The following CDH18 variants were observed in gnomAD, a reference collection of about 807,000 sequenced individuals.
CDH18 encodes the protein cadherin-18.
A neutral mutation model predicts 67.9 loss-of-function variants in CDH18; 31 were observed. That is an observed-to-expected ratio of 0.46 (90% CI 0.34 to 0.62). The LOEUF (loss-of-function observed/expected upper bound fraction) is 0.62, where lower values mean the gene tolerates loss of function less well. CDH18 is among the 20% of genes least tolerant of loss of function. The pLI is 0.01. For missense variants in CDH18, 890 were observed against 975.5 expected, an observed-to-expected ratio of 0.91 and a Z score of 1.17; for synonymous variants, 362 against 347.2, an observed-to-expected ratio of 1.04 and a Z score of -0.48.
intron 3 of CDH18, among the ~76,000 whole-genome samples, chr5:19,802,860 G>A (rs974555347): frequency 8.5e-5 from 13 of 152,190 alleles, no homozygotes; most frequent in Admixed American, 2.6e-4. Flanking sequence ...AGAAGTAGCA[G>A]CAATAATAGT....
intron 5 of CDH18, among the ~76,000 whole-genome samples, chr5:19,659,360 A>G (rs1267445865): frequency 6.6e-6 from 1 of 152,172 alleles, no homozygotes; most frequent in African/African-American, 2.4e-5. Flanking sequence ...TTATCAAAGC[A>G]AATGACTATC....
At chr5:19,891,396 CA>C (rs1788770284) in intron 2 of CDH18, among the ~76,000 whole-genome samples, 1 of 152,066 alleles carries the variant, frequency 6.6e-6, no homozygotes, top group Non-Finnish European at 1.5e-5. Context: ...TGAATCCTTA[CA>C]AAAAATATTT....
chr5:19,759,457 G>A (rs1162418354), intron 3 of CDH18, among the ~76,000 whole-genome samples: 1 of 152,130 alleles, frequency 6.6e-6, no homozygotes, highest in East Asian at 1.9e-4. Flanking sequence ...TAATGTGGGG[G>A]TTCTGCCAGC....
chr5:19,971,723 T>C (rs773550574), intron 2 of CDH18, among the ~76,000 whole-genome samples: 10 of 151,620 alleles, frequency 6.6e-5, no homozygotes, highest in Non-Finnish European at 1.0e-4. Context: ...GAAGACAGGA[T>C]CAAGAAAAAC....
intron 2 of CDH18, among the ~76,000 whole-genome samples, chr5:20,105,250 G>A (rs575063116): frequency 6.6e-6 from 1 of 152,228 alleles, no homozygotes; most frequent in East Asian, 1.9e-4. Flanking sequence ...GCCTCCCAAA[G>A]TGCTGGGATT....
intron 2 of CDH18, among the ~76,000 whole-genome samples, chr5:19,998,934 A>T (rs979145563): frequency 3.3e-5 from 5 of 152,170 alleles, no homozygotes; most frequent in African/African-American, 1.2e-4. Flanking sequence ...AAAATACAGA[A>T]CAAGGTGGAA....
At chr5:20,268,028 C>T (rs1745170330) in intron 1 of CDH18, among the ~76,000 whole-genome samples, 1 of 152,160 alleles carries the variant, frequency 6.6e-6, no homozygotes, top group South Asian at 2.1e-4. Flanking sequence ...TTAGTTCCCA[C>T]TTATAAATGA....
intron 4 of CDH18, among the ~76,000 whole-genome samples, chr5:19,746,332 G>A (rs1769993424): frequency 6.6e-6 from 1 of 152,110 alleles, no homozygotes; most frequent in Admixed American, 6.6e-5. Flanking sequence ...TTCTAAATAT[G>A]TGAATTTGCA....
chr5:20,302,947 G>C (rs1736076671), intron 1 of CDH18, among the ~76,000 whole-genome samples: 1 of 152,186 alleles, frequency 6.6e-6, no homozygotes, highest in Non-Finnish European at 1.5e-5. Flanking sequence ...GGATATTCGT[G>C]TGCATAACCC....
At chr5:20,334,825 G>C (rs1739578219) in intron 1 of CDH18, among the ~76,000 whole-genome samples, 1 of 148,504 alleles carries the variant, frequency 6.7e-6, no homozygotes, top group African/African-American at 2.5e-5. Flanking sequence ...AGCACAACCT[G>C]ATTCTTTCAT....
intron 7 of CDH18, among the ~76,000 whole-genome samples, chr5:19,587,148 T>C (rs1371618298): frequency 6.6e-6 from 1 of 152,166 alleles, no homozygotes; most frequent in Non-Finnish European, 1.5e-5. Context: ...TCTTCTCCCA[T>C]TCTGTATGTT....
rs72740817 is a variant in CDH18 at position 19,770,620 on chromosome 5, A to G, written c.229-23384T>C. Among the ~76,000 whole-genome samples the G allele has an allele frequency of 2.0e-4, 13 of 64,610 alleles. No homozygotes were observed. The South Asian group carries it at 4.2e-3, about 21-fold the overall frequency. 42.4% of individuals were successfully genotyped at this position (64,610 alleles called of 152,430 possible). A position where few individuals can be genotyped will look rare whatever the true frequency, so the allele number is the denominator to read the frequency against. On this transcript the variant is annotated intron_variant, in intron 3 of 12. Coordinates refer to ENST00000382275, the MANE Select transcript of CDH18 (RefSeq NM_004934.5). The stretch of plus-strand genomic sequence containing the variant: ...TCCAAACTTTCCATGCCAAAAAAAA[A>G]GGAAAAAAAGAAAAGGAAGACCAAG...
At position 20,501,535 on chromosome 5, in the gene CDH18, T is replaced by A. The variant is rs1754270414; in HGVS notation, c.-580+73927A>T. Among the ~76,000 whole-genome samples the A allele has an allele frequency of 2.5e-5, 2 of 79,358 alleles. 1 individual carries two copies. The highest frequency in any genetic ancestry group is 1.0e-3 in the South Asian group (2 of 2,010). The allele number at this position is 79,358 out of a possible 152,430, so 52.1% of individuals were successfully genotyped here. A position where few individuals can be genotyped will look rare whatever the true frequency, so the allele number is the denominator to read the frequency against. ...ATATATTATATACATATTATATATA[T>A]TATATACATATTATATATATAATAT... On this transcript the variant is annotated intron_variant, in intron 1 of 14. Transcript: ENST00000507958.
At chr5:20,240,564 G>T (rs1742819622) in intron 2 of CDH18, among the ~76,000 whole-genome samples, 1 of 152,056 alleles carries the variant, frequency 6.6e-6, no homozygotes, top group Non-Finnish European at 1.5e-5. Context: ...TTCAAGACTT[G>T]CAAGTATGCA....
At chr5:19,596,080 T>A (rs1461941225) in intron 6 of CDH18, among the ~76,000 whole-genome samples, 1 of 152,322 alleles carries the variant, frequency 6.6e-6, no homozygotes, top group Admixed American at 6.5e-5. Context: ...GTAGGCAGTT[T>A]TTCAAACATC....
chr5:19,914,865 C>T (rs1395227946), intron 2 of CDH18, among the ~76,000 whole-genome samples: 2 of 151,902 alleles, frequency 1.3e-5, no homozygotes, highest in East Asian at 3.9e-4. Flanking sequence ...AATTTCTCCC[C>T]CAAATTTGTA....
intron 1 of CDH18, among the ~76,000 whole-genome samples, chr5:20,460,197 A>C (rs1479897285): frequency 1.3e-5 from 2 of 152,002 alleles, no homozygotes; most frequent in East Asian, 3.9e-4. Context: ...GATCGAGACC[A>C]TCCTGGCCAA....
chr5:19,662,168 G>A (rs1213983971), intron 5 of CDH18, among the ~76,000 whole-genome samples: 1 of 147,496 alleles, frequency 6.8e-6, no homozygotes, highest in African/African-American at 2.5e-5. Context: ...CAGCGTATAT[G>A]TACAAAGGTT....
At chr5:20,327,487 T>C (rs2150018391) in intron 1 of CDH18, among the ~76,000 whole-genome samples, 1 of 152,068 alleles carries the variant, frequency 6.6e-6, no homozygotes, top group East Asian at 1.9e-4. Context: ...TCCTGCTTGC[T>C]CTTGCTCCTT....
Sources: gnomAD v4.1 joint callset for allele counts (sites outside exome capture counted in the v4.1 genomes callset) on GRCh38, gnomAD v4.1.1 for gene constraint, MANE v1.5 for transcripts, NCBI Gene and HGNC (gene_info 2026-07-23, HGNC 2026-07-21) for gene names.